FAH: variants seen among roughly 807,000 people sequenced by gnomAD.
FAH encodes the protein fumarylacetoacetate hydrolase, also known as fumarylacetoacetase.
FAH carries 47 observed loss-of-function variants against 55.8 expected under a neutral mutation model. The observed-to-expected ratio is 0.84, with a 90% CI of 0.67 to 1.07. The LOEUF (loss-of-function observed/expected upper bound fraction) is 1.07. Ranked by LOEUF, FAH falls within the 50% of genes least tolerant of loss-of-function variation. The pLI, the probability that FAH is intolerant of heterozygous loss-of-function variation, is 0.00. For synonymous variants in FAH, 199 were observed against 207.7 expected, an observed-to-expected ratio of 0.96 and a Z score of 0.36; for missense variants, 495 against 545.9, an observed-to-expected ratio of 0.91 and a Z score of 0.93.
chr15:80,177,562 C>T lies in FAH; in HGVS notation c.939C>T (p.Thr313=). ...LKGEGMSQAA[T]ICKSNFKYMY... is the part of the protein sequence containing the mutation. ...GAGAAGGAATGAGCCAGGCGGCTAC[C>T]ATATGCAAGTCCAATTTTAAGGTAA... is the stretch of plus-strand genomic sequence containing the variant. Residue 313 remains threonine (T), a synonymous_variant, in exon 11 of 14, where the codon ACC becomes ACT. Transcript: ENST00000561421. The T allele has an allele frequency of 1.2e-6, 2 of 1,614,066 alleles. No homozygotes were observed. Among genetic ancestry groups the T allele is most frequent in the South Asian group, 1.1e-5 (1 of 91,086 alleles).
chr15:80,171,763 G>C (rs180673143), intron 7 of FAH, among the ~76,000 whole-genome samples: 17 of 152,262 alleles, frequency 1.1e-4, no homozygotes, highest in Admixed American at 9.8e-4. Context: ...TGCCTGGCCT[G>C]GTTTTTCATG....
chr15:80,182,635 A>C (rs1222458441), intron 13 of FAH, among the ~76,000 whole-genome samples: 1 of 152,174 alleles, frequency 6.6e-6, no homozygotes, highest in Non-Finnish European at 1.5e-5. Context: ...TTTTCTACTC[A>C]CAATAGCCCT....
At chr15:80,153,778 T>G (rs1357489149) in intron 1 of FAH, among the ~76,000 whole-genome samples, 1 of 152,202 alleles carries the variant, frequency 6.6e-6, no homozygotes, top group Non-Finnish European at 1.5e-5. Context: ...AAAGAAGTAT[T>G]TGAAAACTGG....
chr15:80,156,108 A>C, intron 1 of FAH: 4 of 261,868 alleles, frequency 1.5e-5, no homozygotes, highest in South Asian at 7.7e-5. Context: ...GGAAAGGGAG[A>C]CTCCCTTTTG....
chr15:80,161,311 A>G (rs536382770), intron 4 of FAH, among the ~76,000 whole-genome samples: 13 of 150,018 alleles, frequency 8.7e-5, no homozygotes, highest in Non-Finnish European at 1.6e-4. Flanking sequence ...CTTTTGAAAA[A>G]TCTCTCAGCT....
intron 11 of FAH, among the ~76,000 whole-genome samples, chr15:80,178,587 A>ATTT (rs143350647): frequency 3.3e-4 from 48 of 143,522 alleles, no homozygotes; most frequent in Non-Finnish European, 4.1e-4. Context: ...AACTGACTTA[A>ATTT]TTTTTTTTTT....
chr15:80,164,547 C>CACAT (rs397951661), intron 5 of FAH, among the ~76,000 whole-genome samples: 1 of 152,112 alleles, frequency 6.6e-6, no homozygotes, highest in African/African-American at 2.4e-5. Context: ...CACACACACA[C>CACAT]GCATGTACAC....
chr15:80,172,945 G>A (rs1028372530), intron 8 of FAH, 69 bp from the exon 9 acceptor site: 14 of 1,607,782 alleles, frequency 8.7e-6, no homozygotes, highest in Non-Finnish European at 1.2e-5. Context: ...TTGGTCAAGG[G>A]CAGGAGGGGG....
intron 2 of FAH, among the ~76,000 whole-genome samples, chr15:80,158,607 G>C (rs2041120376): frequency 6.6e-6 from 1 of 152,182 alleles, no homozygotes; most frequent in South Asian, 2.1e-4. Context: ...TGTTCACATG[G>C]GATGGACATG....
At chr15:80,161,715 T>G (rs2041150730) in intron 4 of FAH, among the ~76,000 whole-genome samples, 1 of 152,138 alleles carries the variant, frequency 6.6e-6, no homozygotes, top group Non-Finnish European at 1.5e-5. Flanking sequence ...AGCAAAGATG[T>G]GCACACACAT....
At chr15:80,182,976 AG>A (rs1366540958) in intron 13 of FAH, among the ~76,000 whole-genome samples, 5 of 152,242 alleles carry the variant, frequency 3.3e-5, no homozygotes, top group African/African-American at 1.2e-4. Context: ...ATGCTAGACC[AG>A]GCAGCTGTCC....
At chr15:80,179,493 G>A (rs2041311606) in intron 11 of FAH, among the ~76,000 whole-genome samples, 1 of 152,154 alleles carries the variant, frequency 6.6e-6, no homozygotes, top group Admixed American at 6.5e-5. Flanking sequence ...AATGTGAGAA[G>A]CTGTGGCCTG....
chr15:80,171,345 G>GCAT (rs74523385), intron 7 of FAH, among the ~76,000 whole-genome samples: 35,465 of 152,098 alleles, frequency 0.23, 4,853 homozygotes, highest in Middle Eastern at 0.33. Context: ...TCCTTTGTAG[G>GCAT]GACATGGATG....
chr15:80,171,430 TG>T (rs2041239831), intron 7 of FAH, among the ~76,000 whole-genome samples: 1 of 152,162 alleles, frequency 6.6e-6, no homozygotes, highest in African/African-American at 2.4e-5. Context: ...CACTCATAGG[TG>T]GGAATTGAGC....
intron 8 of FAH, among the ~76,000 whole-genome samples, chr15:80,172,656 G>C (rs1201201212): frequency 6.6e-6 from 1 of 152,226 alleles, no homozygotes; most frequent in Non-Finnish European, 1.5e-5. Context: ...AAACAGTCCA[G>C]CTTCTGAGCC....
intron 8 of FAH, 93 bp from the exon 9 acceptor site, chr15:80,172,921 G>A (rs2041252904): frequency 3.9e-6 from 6 of 1,545,692 alleles, no homozygotes; most frequent in Non-Finnish European, 5.4e-6. Flanking sequence ...GGCAGTGCTA[G>A]GTGTCTCTGC....
rs1030615723 is a variant in FAH at position 80,186,298 on chromosome 15, C to A, written c.*89C>A. ...CCTCCCTCGGGCTGTAGGCCTGGTC[C>A]GCCATTCAGTGACAAATAAAGCCAT... On this transcript the variant is annotated 3_prime_UTR_variant, in exon 14 of 14. Transcript: ENST00000561421. 4.8e-6 allele frequency: 5 copies of A among 1,046,506 alleles called. No individual in the cohort carries two copies. The East Asian group carries it at 1.2e-4, about 25-fold the overall frequency. The allele number at this position is 1,046,506 out of a possible 1,614,324, so 64.8% of individuals were successfully genotyped here. A position where few individuals can be genotyped will look rare whatever the true frequency, so the allele number is the denominator to read the frequency against.
Position 80,183,638 on chromosome 15 carries a change from C to T in FAH, c.1180+2479C>T, listed in dbSNP as rs561421834. Among the ~76,000 whole-genome samples the T allele has an allele frequency of 1.6e-4, 25 of 152,322 alleles. No homozygotes were observed. In the South Asian group the frequency reaches 2.1e-3, roughly 13 times the overall value. ...CTCTCATTTCCCTGCTTGCTCTTCA[C>T]GGATGCTCCTTCCCCAAATCAATTT... On this transcript the variant is annotated intron_variant, in intron 13 of 13. Coordinates refer to ENST00000561421, the MANE Select transcript of FAH (RefSeq NM_000137.4).
In FAH at chr15:80,168,275, G is replaced by C; in HGVS notation, c.565G>C (p.Val189Leu). 6.2e-7 allele frequency: 1 copy of C among 1,601,442 alleles called. No individual in the cohort carries two copies. Reference sequence around the variant, plus strand: ...TGGTGTTATTCCAGCTAAGCCTCCCGTATATGGTGCCTGCAAGCTCTTGGA... The same window carrying C: ...TGGTGTTATTCCAGCTAAGCCTCCCCTATATGGTGCCTGCAAGCTCTTGGA... The part of the protein sequence containing the change: ...QMKPDDSKPP[V>L]YGACKLLDME... The change falls in exon 7 of 14, where the codon GTA (valine) becomes CTA (leucine). Residue 189 changes from valine (V) to leucine (L), a missense_variant. Coordinates refer to ENST00000561421, the MANE Select transcript of FAH (RefSeq NM_000137.4).
Sources: allele counts gnomAD v4.1 joint callset (sites outside exome capture counted in the v4.1 genomes callset), GRCh38; gene constraint gnomAD v4.1.1; transcripts MANE v1.5; gene names NCBI Gene and HGNC (gene_info 2026-07-23, HGNC 2026-07-21).